The following CNNM1 variants were observed in gnomAD, a reference collection of about 807,000 sequenced individuals.
CNNM1 encodes the protein metal transporter CNNM1.
Under a neutral mutation model 78.8 loss-of-function variants are expected in CNNM1, and 44 were observed. The observed-to-expected ratio is 0.56, with a 90% CI of 0.44 to 0.72. The LOEUF (loss-of-function observed/expected upper bound fraction) is 0.72, where lower values mean the gene tolerates loss of function less well. CNNM1 is among the 30% of genes least tolerant of loss of function. CNNM1 has a pLI of 0.00. For synonymous variants in CNNM1, 584 were observed against 581.5 expected (o/e 1.00, Z -0.06); for missense variants, 1,101 against 1,292.2 (o/e 0.85, Z 2.27).
Position 99,366,189 on chromosome 10 carries a change from A to G in CNNM1, c.2176+1187A>G, listed in dbSNP as rs190467648. Among the ~76,000 whole-genome samples, 3 of 152,350 alleles carry G rather than the reference A, an allele frequency of 2.0e-5. No individual in the cohort carries two copies. In the East Asian group the frequency reaches 5.8e-4, roughly 29 times the overall value. On this transcript the variant is annotated intron_variant, in intron 6 of 10. Transcript: ENST00000356713. ...TGTAAAATTGAAAAGACCCTGGTAC[A>G]TTATTATACTTAAGACAATGAATCT... is the stretch of plus-strand genomic sequence containing the variant.
chr10:99,346,595 G>A (rs1017869663), intron 1 of CNNM1, among the ~76,000 whole-genome samples: 3 of 152,088 alleles, frequency 2.0e-5, no homozygotes, highest in African/African-American at 7.2e-5. Flanking sequence ...ATGAACTCCA[G>A]ACTTACATTT....
Position 99,384,914 on chromosome 10 carries a change from A to C in CNNM1, c.2341-2906A>C, listed in dbSNP as rs556530931. ...AAACCCCGTATCTATTAAAAATACA[A>C]AAAAATAAGCTGGGCGTCGTGGTGT... On this transcript the variant is annotated intron_variant, in intron 7 of 10. Transcript: ENST00000356713. Among the ~76,000 whole-genome samples, 371 of 152,170 alleles carry C rather than the reference A, an allele frequency of 2.4e-3. 2 individuals carry two copies. The highest frequency in any genetic ancestry group is 4.2e-3 in the Admixed American group (64 of 15,284).
In CNNM1 at chr10:99,332,799, G is replaced by T. The variant is rs191261080; in HGVS notation, c.1573+1839G>T. Among the ~76,000 whole-genome samples, 39 of 152,276 alleles carry T rather than the reference G, an allele frequency of 2.6e-4. 1 individual carries two copies. The highest frequency in any genetic ancestry group is 2.0e-3 in the Admixed American group (30 of 15,282). Reference sequence around the variant, plus strand: ...AAGGGAGAGAAATGTATATATGGCAGCTATTTTAGTCCATTTTCGGTTGCT... The same window carrying T: ...AAGGGAGAGAAATGTATATATGGCATCTATTTTAGTCCATTTTCGGTTGCT... On this transcript the variant is annotated intron_variant, in intron 1 of 10. Transcript: ENST00000356713.
chr10:99,367,964 G>A (rs1434266507), intron 6 of CNNM1, among the ~76,000 whole-genome samples: 6 of 152,172 alleles, frequency 3.9e-5, no homozygotes, highest in Non-Finnish European at 8.8e-5. Context: ...ACAATGGAAC[G>A]GAGAGATACT....
At chr10:99,373,334 C>G (rs1018532011) in intron 6 of CNNM1, among the ~76,000 whole-genome samples, 6 of 152,326 alleles carry the variant, frequency 3.9e-5, no homozygotes, top group Admixed American at 1.3e-4. Context: ...CCTGCTCACA[C>G]TCTCTTCCCT....
chr10:99,350,675 A>C (rs1404843448), intron 1 of CNNM1, among the ~76,000 whole-genome samples: 1 of 152,024 alleles, frequency 6.6e-6, no homozygotes, highest in African/African-American at 2.4e-5. Flanking sequence ...TATGTGCAGG[A>C]TGTGTAGGTT....
intron 2 of CNNM1, among the ~76,000 whole-genome samples, chr10:99,358,601 A>T (rs1332408721): frequency 2.0e-5 from 3 of 152,086 alleles, no homozygotes; most frequent in Non-Finnish European, 4.4e-5. Flanking sequence ...TTCCTTTTAG[A>T]CAAAGAAGAG....
intron 1 of CNNM1, among the ~76,000 whole-genome samples, chr10:99,336,932 C>T (rs2030214477): frequency 1.3e-5 from 2 of 152,096 alleles, no homozygotes; most frequent in Non-Finnish European, 2.9e-5. Flanking sequence ...CAGAATGAGA[C>T]CCTGTCTCAA....
At chr10:99,348,662 G>A (rs2030809023) in intron 1 of CNNM1, among the ~76,000 whole-genome samples, 2 of 152,204 alleles carry the variant, frequency 1.3e-5, no homozygotes, top group African/African-American at 2.4e-5. Flanking sequence ...AAGAGCAGGG[G>A]CAATGTGTCT....
intron 1 of CNNM1, among the ~76,000 whole-genome samples, chr10:99,340,802 TTCTC>T (rs555950625): frequency 6.0e-5 from 9 of 150,354 alleles, no homozygotes; most frequent in African/African-American, 2.2e-4. Flanking sequence ...CTTTCTTACT[TTCTC>T]TTTCTTTCTT....
chr10:99,383,797 T>A (rs2032227729), intron 7 of CNNM1, among the ~76,000 whole-genome samples: 1 of 152,190 alleles, frequency 6.6e-6, no homozygotes, highest in South Asian at 2.1e-4. Flanking sequence ...TCATCGAAAC[T>A]GGGCACAGCT....
chr10:99,381,683 G>A (rs1300591650), intron 7 of CNNM1, among the ~76,000 whole-genome samples: 13 of 151,220 alleles, frequency 8.6e-5, no homozygotes, highest in South Asian at 2.1e-4. Flanking sequence ...CGGAGGTTGC[G>A]GTGAGCCGAG....
chr10:99,388,702 G>A (rs2032381345), intron 9 of CNNM1, among the ~76,000 whole-genome samples: 1 of 152,126 alleles, frequency 6.6e-6, no homozygotes, highest in Non-Finnish European at 1.5e-5. Context: ...GTATAAATGA[G>A]ATAACATACA....
Position 99,350,056 on chromosome 10 carries a change from A to G in CNNM1, c.1574-7456A>G, listed in dbSNP as rs555059468. 3.7e-4 allele frequency among the ~76,000 whole-genome samples: 57 copies of G among 152,242 alleles called. No individual in the cohort carries two copies. The South Asian group carries it at 5.6e-3, about 15-fold the overall frequency. On this transcript the variant is annotated intron_variant, in intron 1 of 10. Transcript: ENST00000356713. ...TCTGGACCCTGCCCCACCCAGCAAG[A>G]TCCTGATTCCGTAGGGCAGGGATGG...
intron 1 of CNNM1, among the ~76,000 whole-genome samples, chr10:99,339,975 T>G (rs1295960765): frequency 6.6e-6 from 1 of 152,232 alleles, no homozygotes; most frequent in Non-Finnish European, 1.5e-5. Flanking sequence ...CTGTTATAAA[T>G]AGATGTATTA....
intron 6 of CNNM1, among the ~76,000 whole-genome samples, chr10:99,366,076 A>G (rs2031607540): frequency 6.6e-6 from 1 of 152,232 alleles, no homozygotes; most frequent in Non-Finnish European, 1.5e-5. Context: ...TTTACAGTGT[A>G]ATTGTTACAG....
rs568170570 is a variant in CNNM1, at chr10:99,363,814, A to G, written c.2029-603A>G. Among the ~76,000 whole-genome samples, 96 of 137,088 alleles carry G rather than the reference A, an allele frequency of 7.0e-4. 1 individual carries two copies. In the Middle Eastern group the frequency reaches 0.013, roughly 19 times the overall value. 89.9% of individuals were successfully genotyped at this position (137,088 alleles called of 152,430 possible). The stretch of plus-strand genomic sequence containing the variant: ...GGCTGGAGTGCAGTGGCCCGATCTC[A>G]GCTCACTGCAACCTCTGCCTCCCTG... On this transcript the variant is annotated intron_variant, in intron 4 of 10. Transcript: ENST00000356713.
chr10:99,334,364 C>T (rs561803979), intron 1 of CNNM1, among the ~76,000 whole-genome samples: 5 of 152,234 alleles, frequency 3.3e-5, no homozygotes, highest in African/African-American at 9.6e-5. Context: ...TTAAAAATAA[C>T]GTTTTTGGCT....
chr10:99,339,432 T>C (rs1171535736), intron 1 of CNNM1, among the ~76,000 whole-genome samples: 1 of 152,192 alleles, frequency 6.6e-6, no homozygotes, highest in Non-Finnish European at 1.5e-5. Flanking sequence ...TGGTACCAGT[T>C]TGTGGCCTGG....
Sources: gnomAD v4.1 joint callset for allele counts (sites outside exome capture counted in the v4.1 genomes callset) on GRCh38, gnomAD v4.1.1 for gene constraint, MANE v1.5 for transcripts, NCBI Gene and HGNC (gene_info 2026-07-23, HGNC 2026-07-21) for gene names.